The following ADAMTSL1 variants were observed in gnomAD, a reference collection of about 807,000 sequenced individuals.
The protein encoded by ADAMTSL1 is ADAMTS-like protein 1.
ADAMTSL1 carries 126 observed loss-of-function variants against 201.8 expected under a neutral mutation model. The observed-to-expected ratio is 0.62, with a 90% CI of 0.54 to 0.72. The LOEUF (loss-of-function observed/expected upper bound fraction) is 0.72, where lower values mean the gene tolerates loss of function less well. ADAMTSL1 is among the 30% of genes least tolerant of loss of function. The probability of loss-of-function intolerance (pLI) is 0.00; values close to 1 mark genes in which losing one functional copy is unlikely to be tolerated. For synonymous variants in ADAMTSL1, 1,121 were observed against 903.4 expected, an observed-to-expected ratio of 1.24 and a Z score of -4.32; for missense variants, 2,679 against 2,277.8, an observed-to-expected ratio of 1.18 and a Z score of -3.59.
chr9:18,195,074 C>A (rs1025833977), intron 2 of ADAMTSL1, among the ~76,000 whole-genome samples: 4 of 151,978 alleles, frequency 2.6e-5, no homozygotes, highest in Admixed American at 1.3e-4. Flanking sequence ...ATATGGGAAC[C>A]CTTAATATGG....
intron 2 of ADAMTSL1, among the ~76,000 whole-genome samples, chr9:18,233,356 C>G (rs1001457886): frequency 1.3e-5 from 2 of 152,150 alleles, no homozygotes; most frequent in Non-Finnish European, 2.9e-5. Flanking sequence ...ATTAACACTT[C>G]GATGAATTTC....
chr9:18,621,846 T>G (rs1181217373), intron 4 of ADAMTSL1, among the ~76,000 whole-genome samples: 2 of 152,152 alleles, frequency 1.3e-5, no homozygotes, highest in African/African-American at 4.8e-5. Flanking sequence ...CTGCTACCAT[T>G]ACCTCTTGGT....
At chr9:18,164,910 T>C (rs1005371685) in intron 2 of ADAMTSL1, among the ~76,000 whole-genome samples, 3 of 151,930 alleles carry the variant, frequency 2.0e-5, no homozygotes, top group African/African-American at 7.2e-5. Context: ...GCACTTCTTA[T>C]TGTTTTTGTC....
At chr9:18,498,353 T>TG (rs1822639471) in intron 1 of ADAMTSL1, among the ~76,000 whole-genome samples, 1 of 150,262 alleles carries the variant, frequency 6.7e-6, no homozygotes, top group Non-Finnish European at 1.5e-5. Flanking sequence ...TTTTTTTTTT[T>TG]GAGATGGGAT....
intron 5 of ADAMTSL1, among the ~76,000 whole-genome samples, chr9:18,627,145 G>C (rs947710789): frequency 2.0e-5 from 3 of 151,616 alleles, no homozygotes; most frequent in African/African-American, 2.4e-5. Flanking sequence ...TCATGCCTGA[G>C]TAATTTTTGT....
At chr9:17,996,818 G>T (rs1046856081) in intron 1 of ADAMTSL1, among the ~76,000 whole-genome samples, 1 of 151,968 alleles carries the variant, frequency 6.6e-6, no homozygotes, top group Non-Finnish European at 1.5e-5. Flanking sequence ...TAAAATAATT[G>T]TTCAGTGTAA....
intron 2 of ADAMTSL1, among the ~76,000 whole-genome samples, chr9:18,219,659 A>G (rs1830183901): frequency 6.6e-6 from 1 of 152,148 alleles, no homozygotes; most frequent in Non-Finnish European, 1.5e-5. Context: ...TGCCCAGCCT[A>G]TATGTACATT....
chr9:18,731,204 T>C (rs1484256417), intron 15 of ADAMTSL1, among the ~76,000 whole-genome samples: 1 of 152,136 alleles, frequency 6.6e-6, no homozygotes, highest in African/African-American at 2.4e-5. Context: ...AGATACTGCC[T>C]GGAAAAAAAG....
intron 1 of ADAMTSL1, among the ~76,000 whole-genome samples, chr9:18,146,574 G>A (rs1409279422): frequency 6.6e-6 from 1 of 152,120 alleles, no homozygotes; most frequent in Admixed American, 6.6e-5. Context: ...GGGTTGAATA[G>A]GTAAAACACA....
chr9:18,605,425 C>G (rs946972928), intron 4 of ADAMTSL1, among the ~76,000 whole-genome samples: 4 of 152,188 alleles, frequency 2.6e-5, no homozygotes, highest in Admixed American at 1.3e-4. Context: ...ATCCCAATTG[C>G]AAAAGAAGTT....
At chr9:18,743,921 T>C (rs554366311) in intron 15 of ADAMTSL1, among the ~76,000 whole-genome samples, 1 of 152,208 alleles carries the variant, frequency 6.6e-6, no homozygotes, top group Non-Finnish European at 1.5e-5. Context: ...CTTTGTCTAT[T>C]TCCCTCTCTC....
chr9:18,743,472 G>T (rs1448385083), intron 15 of ADAMTSL1, among the ~76,000 whole-genome samples: 1 of 152,134 alleles, frequency 6.6e-6, no homozygotes, highest in Non-Finnish European at 1.5e-5. Flanking sequence ...TGGTAACATT[G>T]ATTTTATTTT....
intron 2 of ADAMTSL1, among the ~76,000 whole-genome samples, chr9:18,248,453 A>T (rs188936982): frequency 6.6e-6 from 1 of 152,130 alleles, no homozygotes; most frequent in East Asian, 1.9e-4. Flanking sequence ...TAATTTCCAA[A>T]ACACTGTTCT....
intron 1 of ADAMTSL1, among the ~76,000 whole-genome samples, chr9:18,116,342 C>G (rs987389860): frequency 3.9e-5 from 6 of 152,098 alleles, no homozygotes; most frequent in African/African-American, 1.4e-4. Context: ...GTGTAAATGG[C>G]TTTCACATAT....
intron 7 of ADAMTSL1, among the ~76,000 whole-genome samples, chr9:18,643,821 T>C (rs1197713220): frequency 6.6e-6 from 1 of 151,994 alleles, no homozygotes; most frequent in African/African-American, 2.4e-5. Flanking sequence ...ATGATGCCTT[T>C]ATCTTTTTTC....
chr9:18,019,612 A>C (rs959408221), intron 1 of ADAMTSL1, among the ~76,000 whole-genome samples: 3 of 152,120 alleles, frequency 2.0e-5, no homozygotes, highest in Non-Finnish European at 4.4e-5. Flanking sequence ...GTAGAGAAAG[A>C]CTTACCTGGA....
At chr9:18,298,875 G>A (rs1833582014) in intron 2 of ADAMTSL1, among the ~76,000 whole-genome samples, 1 of 151,970 alleles carries the variant, frequency 6.6e-6, no homozygotes, top group African/African-American at 2.4e-5. Context: ...GCCGGTCGTG[G>A]TGGCGGGCGC....
chr9:18,006,182 C>A (rs527776651), intron 1 of ADAMTSL1, among the ~76,000 whole-genome samples: 1 of 151,946 alleles, frequency 6.6e-6, no homozygotes, highest in East Asian at 2.0e-4. Flanking sequence ...TGAGTGTGGA[C>A]TTGGGAAGAG....
At chr9:18,116,402 CA>C (rs1387057497) in intron 1 of ADAMTSL1, among the ~76,000 whole-genome samples, 2 of 152,142 alleles carry the variant, frequency 1.3e-5, no homozygotes, top group Non-Finnish European at 2.9e-5. Context: ...ATTATATTTG[CA>C]ACAATTATAT....
Sources: allele counts gnomAD v4.1 joint callset (sites outside exome capture counted in the v4.1 genomes callset), GRCh38; gene constraint gnomAD v4.1.1; transcripts MANE v1.5; gene names NCBI Gene and HGNC (gene_info 2026-07-23, HGNC 2026-07-21).